Variants in DYNC2I1 observed in about 807,000 individuals in gnomAD.
DYNC2I1 encodes cytoplasmic dynein 2 intermediate chain 1.
In DYNC2I1, 89 loss-of-function variants were observed where a neutral mutation model predicts 133.4. The ratio of observed to expected loss-of-function variants is 0.67; its 90% CI spans 0.56 to 0.80. DYNC2I1 has a LOEUF of 0.80. DYNC2I1 is among the 30% of genes least tolerant of loss of function. DYNC2I1 has a pLI of 0.00. For synonymous variants in DYNC2I1, 504 were observed against 484.3 expected (o/e 1.04, Z -0.54); for missense variants, 1,291 against 1,314.5 (o/e 0.98, Z 0.28).
chr7:158,948,848 T>C (rs1467168754), downstream of DYNC2I1, among the ~76,000 whole-genome samples: 3 of 152,056 alleles, frequency 2.0e-5, no homozygotes. Context: ...AAGTAGGAAA[T>C]TTAAGTTTTG....
intron 8 of DYNC2I1, among the ~76,000 whole-genome samples, chr7:158,892,100 G>A (rs904344580): frequency 6.6e-6 from 1 of 152,280 alleles, no homozygotes; most frequent in Middle Eastern, 3.4e-3. Context: ...TGTCTGCTGC[G>A]TACTCCACTG....
At position 158,871,561 on chromosome 7, in the gene DYNC2I1, A is replaced by T. The variant is rs1842878626; in HGVS notation, c.489A>T (p.Ser163=). The change falls in exon 3 of 25, where the codon TCA becomes TCT. Residue 163 remains serine, a splice_region_variant and synonymous_variant. Coordinates refer to ENST00000407559, the MANE Select transcript of DYNC2I1 (RefSeq NM_018051.5). ...AGCGGGCGGAGAGGAAAGGCCGCTC[A>T]GGTGGGTCCCCGCTTGCCTTCCTGT... ...LLERAERKGR[S]VSKVRSEEKD... The T allele has an allele frequency of 1.3e-6, 2 of 1,531,870 alleles. No homozygotes were observed. The highest frequency in any genetic ancestry group is 1.4e-5 in the African/African-American group (1 of 72,262). The allele number at this position is 1,531,870 out of a possible 1,614,324, so 94.9% of individuals were successfully genotyped here.
chr7:158,859,564 G>T (rs75482758), intron 1 of DYNC2I1, among the ~76,000 whole-genome samples: 4 of 151,952 alleles, frequency 2.6e-5, no homozygotes, highest in African/African-American at 9.7e-5. Context: ...GTGCAATGGC[G>T]TGATCTCAGC....
At chr7:158,849,530 G>A in the DYNC2I1 span, among the ~76,000 whole-genome samples, 5 of 152,326 alleles carry the variant, frequency 3.3e-5, no homozygotes, top group East Asian at 1.9e-4. Context: ...TAACATGAGC[G>A]TTATTGAGTG....
In DYNC2I1 at chr7:158,938,508, A is replaced by G. The variant is rs187312722; in HGVS notation, c.2779-3417A>G. Among the ~76,000 whole-genome samples the G allele has an allele frequency of 2.4e-3, 362 of 152,326 alleles. 1 individual carries two copies. The highest frequency in any genetic ancestry group is 6.8e-3 in the Middle Eastern group (2 of 294). On this transcript the variant is annotated intron_variant, in intron 23 of 24. Transcript: ENST00000407559. ...CATGGTGGCTCACGCCTGTAATCGCAGCACTTTGAAGGTTGAAGCGGGTGG... is the reference window on the plus strand; with the variant it reads ...CATGGTGGCTCACGCCTGTAATCGCGGCACTTTGAAGGTTGAAGCGGGTGG...
intron 8 of DYNC2I1, among the ~76,000 whole-genome samples, chr7:158,894,220 A>G (rs553261819): frequency 6.6e-6 from 1 of 152,084 alleles, no homozygotes; most frequent in African/African-American, 2.4e-5. Context: ...CATAGTGCAT[A>G]TCCTACCACA....
intron 11 of DYNC2I1, among the ~76,000 whole-genome samples, chr7:158,907,273 CTT>C (rs36062364): frequency 0.17 from 16,737 of 99,640 alleles, 1,026 homozygotes; most frequent in Middle Eastern, 0.29. Context: ...CCATGGCCTT[CTT>C]TTTTTTTTTT....
intron 15 of DYNC2I1, 43 bp downstream of exon 15, chr7:158,918,912 A>G: frequency 6.3e-7 from 1 of 1,587,372 alleles, no homozygotes; most frequent in South Asian, 1.1e-5. Flanking sequence ...CCAGTGACTA[A>G]ACATTCATGT....
intron 6 of DYNC2I1, among the ~76,000 whole-genome samples, chr7:158,886,722 G>C (rs1045364223): frequency 6.6e-6 from 1 of 152,022 alleles, no homozygotes; most frequent in African/African-American, 2.4e-5. Context: ...TCCTGCCTCA[G>C]CCTCCCAAGT....
At chr7:158,937,364 C>T (rs770413861) in intron 23 of DYNC2I1, among the ~76,000 whole-genome samples, 16 of 152,256 alleles carry the variant, frequency 1.1e-4, no homozygotes, top group Admixed American at 2.6e-4. Context: ...CGGTGGCTCA[C>T]GCCTATAATC....
chr7:158,875,251 C>T (rs567526780), intron 3 of DYNC2I1, among the ~76,000 whole-genome samples: 8 of 152,068 alleles, frequency 5.3e-5, no homozygotes, highest in South Asian at 4.2e-4. Context: ...CACGCCACGA[C>T]GCCCGGCTAA....
At chr7:158,941,864 G>T in intron 23 of DYNC2I1, 61 bp from the exon 24 acceptor site, 1 of 1,525,124 alleles carries the variant, frequency 6.6e-7, no homozygotes, top group South Asian at 1.2e-5. Context: ...GTGACAGAGT[G>T]AGACCCTGTC....
chr7:158,862,543 C>T (rs544660175), intron 1 of DYNC2I1, among the ~76,000 whole-genome samples: 42 of 134,744 alleles, frequency 3.1e-4, no homozygotes, highest in African/African-American at 1.1e-3. Flanking sequence ...ATAGCAAGAC[C>T]CTATCTCTTA....
chr7:158,883,756 C>T (rs1171739608), intron 5 of DYNC2I1, among the ~76,000 whole-genome samples: 35 of 146,364 alleles, frequency 2.4e-4, no homozygotes, highest in African/African-American at 7.6e-4. Flanking sequence ...CTCCGCCTCC[C>T]GGGTTCACGC....
chr7:158,882,066 G>A (rs73529707), intron 5 of DYNC2I1, among the ~76,000 whole-genome samples: 3,161 of 152,282 alleles, frequency 0.021, 104 homozygotes, highest in African/African-American at 0.071. Context: ...ACATTATCCT[G>A]TATCTTTGTA....
At chr7:158,867,007 G>C (rs973899460) in intron 1 of DYNC2I1, among the ~76,000 whole-genome samples, 1 of 145,262 alleles carries the variant, frequency 6.9e-6, no homozygotes, top group Non-Finnish European at 1.5e-5. Flanking sequence ...TTTTTCATTT[G>C]GACTAAATCT....
intron 20 of DYNC2I1, among the ~76,000 whole-genome samples, chr7:158,927,708 C>T (rs763053149): frequency 6.6e-6 from 1 of 152,174 alleles, no homozygotes; most frequent in Middle Eastern, 3.4e-3. Context: ...CTTGCCAACA[C>T]GCCCGGCTAA....
chr7:158,943,722 G>T (rs147236310), intron 24 of DYNC2I1, among the ~76,000 whole-genome samples: 1 of 152,078 alleles, frequency 6.6e-6, no homozygotes, highest in Non-Finnish European at 1.5e-5. Context: ...AGCAGGTTAC[G>T]CACCCTTCGG....
chr7:158,853,562 C>T (rs1306347151), upstream of DYNC2I1, among the ~76,000 whole-genome samples: 5 of 152,014 alleles, frequency 3.3e-5, no homozygotes, highest in South Asian at 2.1e-4. Context: ...TTCTCCTTGC[C>T]GGCTGCTCAG....
Sources: gnomAD v4.1 joint callset for allele counts (sites outside exome capture counted in the v4.1 genomes callset) on GRCh38, gnomAD v4.1.1 for gene constraint, MANE v1.5 for transcripts, NCBI Gene and HGNC (gene_info 2026-07-23, HGNC 2026-07-21) for gene names.